Variants in RPF2 observed in about 807,000 individuals in gnomAD.
RPF2 encodes the protein brix domain containing 1.
Under a neutral mutation model 38.9 loss-of-function variants are expected in RPF2, and 21 were observed. The observed-to-expected ratio is 0.54, with a 90% CI of 0.38 to 0.78. The LOEUF is 0.78. Ranked by LOEUF, RPF2 falls within the 30% of genes least tolerant of loss-of-function variation. The probability of loss-of-function intolerance (pLI) is 0.00; values close to 1 mark genes in which losing one functional copy is unlikely to be tolerated. For synonymous variants in RPF2, 121 were observed against 126.2 expected, an observed-to-expected ratio of 0.96 and a Z score of 0.28; for missense variants, 314 against 358.1, an observed-to-expected ratio of 0.88 and a Z score of 0.99.
intron 7 of RPF2, among the ~76,000 whole-genome samples, chr6:111,014,721 G>C (rs1772077897): frequency 6.6e-6 from 1 of 152,234 alleles, no homozygotes; most frequent in Non-Finnish European, 1.5e-5. Context: ...TTTCTCAGCT[G>C]TAAAATTAAG....
chr6:110,984,904 A>G, intron 1 of RPF2, 102 bp from the exon 2 acceptor site: 1 of 1,249,542 alleles, frequency 8.0e-7, no homozygotes, highest in Non-Finnish European at 1.1e-6. Context: ...GTGGAACCCT[A>G]AGTGACAAAT....
At chr6:111,003,052 G>A (rs191509300) in intron 6 of RPF2, among the ~76,000 whole-genome samples, 31 of 149,696 alleles carry the variant, frequency 2.1e-4, no homozygotes, top group East Asian at 1.4e-3. Flanking sequence ...ATGAGCCACC[G>A]TATCCAGCCC....
chr6:111,024,300 A>G lies in RPF2; in HGVS notation c.714A>G (p.Leu238=), dbSNP rs991400947. Residue 238 remains leucine (L), a synonymous_variant, in exon 9 of 10, where the codon TTA becomes TTG. Transcript: ENST00000441448. ...TGGCATCGGATGACCTTTATAAATT[A>G]TCTATGAAAATGCCAAAAGCTCTCA... ...THLASDDLYK[L]SMKMPKALKP... is the part of the protein sequence containing the mutation. 1 of 1,611,620 alleles carries G rather than the reference A, an allele frequency of 6.2e-7. No homozygotes were observed. Among genetic ancestry groups the G allele is most frequent in the Non-Finnish European group, 8.5e-7 (1 of 1,179,746 alleles).
intron 8 of RPF2, among the ~76,000 whole-genome samples, chr6:111,018,198 CCGGGGA>C (rs1273234120): frequency 2.8e-4 from 33 of 118,410 alleles, no homozygotes; most frequent in African/African-American, 1.1e-3. Flanking sequence ...CAGGGGGAGA[CCGGGGA>C]GGGGGAGGGG....
chr6:111,003,660 A>G (rs1365971283), intron 6 of RPF2, among the ~76,000 whole-genome samples: 2 of 152,172 alleles, frequency 1.3e-5, no homozygotes, highest in Non-Finnish European at 2.9e-5. Flanking sequence ...CGTCTCTACA[A>G]AATTTTTTTT....
Position 110,991,736 on chromosome 6 carries a change from G to T in RPF2, c.195-11G>T, listed in dbSNP as rs757362327. On this transcript the variant is annotated splice_polypyrimidine_tract_variant and intron_variant, in intron 3 of 9. Coordinates refer to ENST00000441448, the MANE Select transcript of RPF2 (RefSeq NM_032194.3). Reference sequence around the variant, plus strand: ...AGATTATTAAAATTGTCACTTTTTTGATATTCTTAGGAAAAATATTACAAG... The same window carrying T: ...AGATTATTAAAATTGTCACTTTTTTTATATTCTTAGGAAAAATATTACAAG... 4.7e-6 allele frequency: 5 copies of T among 1,074,064 alleles called. No individual in the cohort carries two copies. Among genetic ancestry groups the T allele is most frequent in the Non-Finnish European group, 5.3e-6 (4 of 748,630 alleles). The allele number at this position is 1,074,064 out of a possible 1,614,324, so 66.5% of individuals were successfully genotyped here. A position where few individuals can be genotyped will look rare whatever the true frequency, so the allele number is the denominator to read the frequency against.
At chr6:110,982,377 C>A in intron 1 of RPF2, 1 of 575,014 alleles carries the variant, frequency 1.7e-6, no homozygotes, top group South Asian at 2.1e-5. Context: ...TTATCCTAGC[C>A]AGTTGAAAAA....
At chr6:111,014,923 C>G (rs1212667905) in intron 7 of RPF2, among the ~76,000 whole-genome samples, 1 of 152,172 alleles carries the variant, frequency 6.6e-6, no homozygotes, top group Non-Finnish European at 1.5e-5. Context: ...TCTCCAGTAG[C>G]TGGGACTACA....
chr6:111,001,234 A>G (rs1229573411), intron 6 of RPF2, among the ~76,000 whole-genome samples: 2 of 152,232 alleles, frequency 1.3e-5, no homozygotes, highest in Non-Finnish European at 2.9e-5. Flanking sequence ...TTGCAATCAC[A>G]TGTAAAATAA....
rs537561728 is a variant in RPF2, at chr6:111,017,996, C to T, written c.596+2140C>T. On this transcript the variant is annotated intron_variant, in intron 8 of 9. Transcript: ENST00000441448. ...GAGGCCGAGGCTGGCAGATCACTCG[C>T]GGTTAGGAGCTGGAGACCAGCCTGG... Among the ~76,000 whole-genome samples the T allele has an allele frequency of 1.3e-3, 202 of 152,234 alleles. 1 individual carries two copies. The highest frequency in any genetic ancestry group is 4.0e-3 in the African/African-American group (166 of 41,546).
At chr6:110,985,793 C>T (rs1207333318) in intron 2 of RPF2, among the ~76,000 whole-genome samples, 1 of 152,026 alleles carries the variant, frequency 6.6e-6, no homozygotes, top group African/African-American at 2.4e-5. Flanking sequence ...CAAAAATTAG[C>T]CGGGTGTGGT....
In RPF2 at chr6:110,997,275, T is replaced by C. The variant is rs1771731966; in HGVS notation, c.316+11T>C. 2 of 1,505,460 alleles carry C rather than the reference T, an allele frequency of 1.3e-6. No individual in the cohort carries two copies. The highest frequency in any genetic ancestry group is 9.2e-7 in the Non-Finnish European group (1 of 1,086,224). 93.3% of individuals were successfully genotyped at this position (1,505,460 alleles called of 1,614,324 possible). On this transcript the variant is annotated intron_variant, in intron 5 of 9. Transcript: ENST00000441448. ...ATAATCTAGTAATAGGTAAGTATAATTTACTTTTTAATGTTTTCACTGATA... is the reference window on the plus strand; with the variant it reads ...ATAATCTAGTAATAGGTAAGTATAACTTACTTTTTAATGTTTTCACTGATA...
At chr6:111,024,960 C>G (rs1449244939) in intron 9 of RPF2, among the ~76,000 whole-genome samples, 1 of 152,026 alleles carries the variant, frequency 6.6e-6, no homozygotes, top group East Asian at 1.9e-4. Context: ...GTATATAAAC[C>G]ATATGTGCAT....
chr6:110,989,172 A>T, intron 3 of RPF2, 107 bp downstream of exon 3: 2 of 1,118,342 alleles, frequency 1.8e-6, no homozygotes, highest in Non-Finnish European at 2.4e-6. Context: ...AAGATATTAA[A>T]ATTCCTTACA....
intron 5 of RPF2, among the ~76,000 whole-genome samples, chr6:110,998,152 G>A (rs1312792819): frequency 6.6e-6 from 1 of 152,040 alleles, no homozygotes; most frequent in African/African-American, 2.4e-5. Flanking sequence ...TGATCCACCC[G>A]CCTTGGCCTC....
In RPF2 at chr6:111,027,377, A is replaced by C. The variant is rs1397638377; in HGVS notation, c.*1795A>C. 6.6e-6 allele frequency: 1 copy of C among 152,184 alleles called. No individual in the cohort carries two copies. Among genetic ancestry groups the C allele is most frequent in the Non-Finnish European group, 1.5e-5 (1 of 68,046 alleles). The allele number at this position is 152,184 out of a possible 1,614,324, so 9.4% of individuals were successfully genotyped here. On this transcript the variant is annotated 3_prime_UTR_variant, in exon 10 of 10. Transcript: ENST00000441448. ...ATTTGCACTTTATATCTAAATGAGA[A>C]GAAGGGGCTCAGATAAGTCGTTTGC... is the stretch of plus-strand genomic sequence containing the variant.
At chr6:110,991,712 G>T (rs1771622801) in intron 3 of RPF2, 35 bp from the exon 4 acceptor site, 1 of 814,676 alleles carries the variant, frequency 1.2e-6, no homozygotes, top group Non-Finnish European at 1.9e-6. Context: ...TACTTATTTA[G>T]ATTATTAAAA....
rs71553323 is a variant in RPF2 at position 111,011,276 on chromosome 6, T to TTTTCTTTC, written c.493+3167_493+3174dup. ...ATATATCCCAAATTATCAAGGGTAT[T>TTTTCTTTC]TTTCTTTCTTTCTTTCTTTCTTTCT... On this transcript the variant is annotated intron_variant, in intron 7 of 9. Coordinates refer to ENST00000441448, the MANE Select transcript of RPF2 (RefSeq NM_032194.3). Among the ~76,000 whole-genome samples, 178 of 133,648 alleles carry TTTTCTTTC rather than the reference T, an allele frequency of 1.3e-3. 2 individuals carry two copies. Among genetic ancestry groups the TTTTCTTTC allele is most frequent in the African/African-American group, 3.3e-3 (126 of 38,164 alleles). The allele number at this position is 133,648 out of a possible 152,430, so 87.7% of individuals were successfully genotyped here.
At chr6:111,004,288 T>C (rs1452619130) in intron 6 of RPF2, among the ~76,000 whole-genome samples, 1 of 151,926 alleles carries the variant, frequency 6.6e-6, no homozygotes, top group East Asian at 1.9e-4. Context: ...GTTCACGCGA[T>C]TCTCCTGCCT....
Sources: gnomAD v4.1 joint callset for allele counts (sites outside exome capture counted in the v4.1 genomes callset) on GRCh38, gnomAD v4.1.1 for gene constraint, MANE v1.5 for transcripts, NCBI Gene and HGNC (gene_info 2026-07-23, HGNC 2026-07-21) for gene names.